The following DTX2 variants were observed in gnomAD, a reference collection of about 807,000 sequenced individuals.
The protein encoded by DTX2 is probable E3 ubiquitin-protein ligase DTX2.
DTX2 carries 29 observed loss-of-function variants against 55.3 expected under a neutral mutation model. The ratio of observed to expected loss-of-function variants is 0.52; its 90% confidence interval spans 0.39 to 0.71. The LOEUF is 0.71. DTX2 is among the 30% of genes least tolerant of loss of function. DTX2 has a pLI of 0.00. For synonymous variants in DTX2, 276 were observed against 340.4 expected (o/e 0.81, Z 2.08); for missense variants, 537 against 822.5 (o/e 0.65, Z 4.25).
intron 2 of DTX2, among the ~76,000 whole-genome samples, chr7:76,476,706 G>A (rs1362662207): frequency 2.6e-5 from 4 of 151,702 alleles, no homozygotes; most frequent in African/African-American, 9.7e-5. Context: ...TCAATTGCTA[G>A]AAGGTGGTAA....
rs967029125 is a variant in DTX2 at position 76,505,252 on chromosome 7, G to A, written c.1642-122G>A. ...CTGCAGATGGGGTGAGTGCCAGGGA[G>A]TGGATGAGTCACCTGGGAGGGGCTG... On this transcript the variant is annotated intron_variant, in intron 10 of 10. Transcript: ENST00000430490. The surrounding 1 kb of genome is among the most constrained non-coding windows in gnomAD (Gnocchi z 4.4). The A allele has an allele frequency of 1.2e-6, 1 of 803,624 alleles. No individual in the cohort carries two copies. Among genetic ancestry groups the A allele is most frequent in the Non-Finnish European group, 2.0e-6 (1 of 497,524 alleles). 49.8% of individuals were successfully genotyped at this position (803,624 alleles called of 1,614,324 possible). A position where few individuals can be genotyped will look rare whatever the true frequency, so the allele number is the denominator to read the frequency against.
chr7:76,481,542 G>A (rs1250931716), intron 3 of DTX2, among the ~76,000 whole-genome samples: 1 of 152,140 alleles, frequency 6.6e-6, no homozygotes, highest in East Asian at 1.9e-4. Flanking sequence ...TCCTCTCGGA[G>A]CCATCCCTTA....
chr7:76,505,566 C>T lies in DTX2; in HGVS notation c.1834C>T (p.Gln612Ter). Residue 612 changes from glutamine (Q) to a stop codon, truncating the protein, a stop_gained, in exon 11 of 11, where the codon CAG becomes TAG. Coordinates refer to ENST00000430490, the MANE Select transcript of DTX2 (RefSeq NM_001102594.3). LOFTEE classifies it high-confidence loss of function. This position sits in a 1 kb window ranked among gnomAD's most constrained non-coding sequence, Gnocchi z 4.4. Reference sequence around the variant, plus strand: ...GAACGTGCTGGCTGAGCTGGCTGCCCAGGGGGTGACCGAGGACTGCCTGGA... The same window carrying T: ...GAACGTGCTGGCTGAGCTGGCTGCCTAGGGGGTGACCGAGGACTGCCTGGA... ...LQNVLAELAA[Q>*]GVTEDCLEQQ The T allele has an allele frequency of 6.3e-7, 1 of 1,596,116 alleles. No homozygotes were observed. Among genetic ancestry groups the T allele is most frequent in the East Asian group, 2.3e-5 (1 of 44,224 alleles).
chr7:76,474,164 G>T (rs1334304883), intron 2 of DTX2, among the ~76,000 whole-genome samples: 5 of 150,848 alleles, frequency 3.3e-5, no homozygotes, highest in African/African-American at 1.2e-4. Flanking sequence ...CAGGTGATCC[G>T]TGCCTGGCCT....
At chr7:76,491,796 G>T in intron 4 of DTX2, among the ~76,000 whole-genome samples, 1 of 112,158 alleles carries the variant, frequency 8.9e-6, no homozygotes, top group African/African-American at 3.7e-5. Flanking sequence ...CCATCCTCCT[G>T]CTTCAGCCTC....
chr7:76,501,988 G>T, intron 7 of DTX2: 1 of 380,462 alleles, frequency 2.6e-6, no homozygotes. Flanking sequence ...CTGAGTTCAA[G>T]CGATTCTCTT....
chr7:76,501,109 T>A (rs1353557215), intron 7 of DTX2, among the ~76,000 whole-genome samples: 1 of 131,410 alleles, frequency 7.6e-6, no homozygotes, highest in Admixed American at 8.1e-5. Flanking sequence ...AGCACCACTT[T>A]CCCCTGATTT....
intron 2 of DTX2, chr7:76,477,228 T>A (rs1808648880): frequency 1.4e-5 from 2 of 141,940 alleles, no homozygotes; most frequent in Non-Finnish European, 3.0e-5. Context: ...AATTGGCAGC[T>A]CCGTGGCGGG....
Position 76,505,298 on chromosome 7 carries a change from C to A in DTX2, c.1642-76C>A. The A allele has an allele frequency of 8.0e-7, 1 of 1,255,798 alleles. No individual in the cohort carries two copies. The highest frequency in any genetic ancestry group is 1.1e-6 in the Non-Finnish European group (1 of 896,056). 77.8% of individuals were successfully genotyped at this position (1,255,798 alleles called of 1,614,324 possible). A position where few individuals can be genotyped will look rare whatever the true frequency, so the allele number is the denominator to read the frequency against. ...GGCTGGGATGGGAAGAACATGGTGC[C>A]AACCCGTGCCTGCTCACTGAGCCCC... On this transcript the variant is annotated intron_variant, in intron 10 of 10. Coordinates refer to ENST00000430490, the MANE Select transcript of DTX2 (RefSeq NM_001102594.3). This position sits in a 1 kb window ranked among gnomAD's most constrained non-coding sequence, Gnocchi z 4.4.
chr7:76,502,499 A>G (rs578218650), intron 8 of DTX2, 43 bp downstream of exon 8: 68 of 1,596,862 alleles, frequency 4.3e-5, no homozygotes, highest in African/African-American at 5.4e-5. Flanking sequence ...GCCCGCCCCC[A>G]CAGTCCTGAG....
chr7:76,486,625 G>A (rs1464554332), intron 4 of DTX2, among the ~76,000 whole-genome samples: 4 of 119,848 alleles, frequency 3.3e-5, no homozygotes, highest in African/African-American at 6.4e-5. Context: ...TTTTAATGAT[G>A]TTGGATGGAA....
Position 76,473,345 on chromosome 7 carries a change from G to A in DTX2, c.-89-7076G>A, listed in dbSNP as rs1386112044. Among the ~76,000 whole-genome samples the A allele has an allele frequency of 1.3e-5, 2 of 149,634 alleles. 1 individual carries two copies. Among genetic ancestry groups the A allele is most frequent in the Non-Finnish European group, 3.0e-5 (2 of 67,602 alleles). On this transcript the variant is annotated intron_variant, in intron 2 of 10. Coordinates refer to ENST00000430490, the MANE Select transcript of DTX2 (RefSeq NM_001102594.3). ...GTGGGGTGTGGAGTTTCAGGCCCAG[G>A]CCTCCTGGAAAGTGCCCGAAAGAGA...
At chr7:76,466,983 C>T (rs1396059409) in intron 2 of DTX2, among the ~76,000 whole-genome samples, 1 of 151,980 alleles carries the variant, frequency 6.6e-6, no homozygotes, top group African/African-American at 2.4e-5. Flanking sequence ...TCACTGCCGC[C>T]CCAAATTCCT....
intron 2 of DTX2, among the ~76,000 whole-genome samples, chr7:76,476,657 G>T (rs1808575113): frequency 6.6e-6 from 1 of 150,932 alleles, no homozygotes; most frequent in African/African-American, 2.4e-5. Context: ...GGTCTGGAAG[G>T]ATGGGCGTGT....
intron 2 of DTX2, among the ~76,000 whole-genome samples, chr7:76,480,034 C>T (rs62475652): frequency 0.35 from 30,785 of 87,968 alleles, 5,052 homozygotes; most frequent in African/African-American, 0.43. Context: ...TGAGACCAGG[C>T]GCGGTGGCTC....
chr7:76,467,041 C>T (rs1215395252), intron 2 of DTX2, among the ~76,000 whole-genome samples: 2 of 152,088 alleles, frequency 1.3e-5, no homozygotes, highest in African/African-American at 4.8e-5. Context: ...GCTGGGACTA[C>T]AGGCACAGGC....
intron 2 of DTX2, among the ~76,000 whole-genome samples, chr7:76,469,787 A>C (rs1160986986): frequency 2.0e-5 from 3 of 150,880 alleles, no homozygotes; most frequent in African/African-American, 7.3e-5. Context: ...GTCCGTCGTC[A>C]GTCTGTCTTG....
rs376852955 is a variant in DTX2 at position 76,503,411 on chromosome 7, G to T, written c.1390-15G>T. ...TCAGACTGCCAGCTCAGTGGGTTGCGTCTGCCTCTGTCAGGATGGAAGTCT... is the reference window on the plus strand; with the variant it reads ...TCAGACTGCCAGCTCAGTGGGTTGCTTCTGCCTCTGTCAGGATGGAAGTCT... On this transcript the variant is annotated splice_polypyrimidine_tract_variant and intron_variant, in intron 8 of 10. Coordinates refer to ENST00000430490, the MANE Select transcript of DTX2 (RefSeq NM_001102594.3). 2.5e-6 allele frequency: 4 copies of T among 1,610,694 alleles called. No individual in the cohort carries two copies. Among genetic ancestry groups the T allele is most frequent in the Non-Finnish European group, 3.4e-6 (4 of 1,178,924 alleles).
At chr7:76,476,384 C>T (rs1188881256) in intron 2 of DTX2, among the ~76,000 whole-genome samples, 6 of 143,882 alleles carry the variant, frequency 4.2e-5, no homozygotes, top group Non-Finnish European at 3.0e-5. Flanking sequence ...GGCAGTGACT[C>T]AAAGGTGCCT....
Sources: gnomAD v4.1 joint callset for allele counts (sites outside exome capture counted in the v4.1 genomes callset) on GRCh38, gnomAD v4.1.1 for gene constraint, Gnocchi (gnomAD v3.1) non-coding constraint, MANE v1.5 for transcripts, NCBI Gene and HGNC (gene_info 2026-07-23, HGNC 2026-07-21) for gene names.